TENM4: variants seen among roughly 807,000 people sequenced by gnomAD.
TENM4 encodes teneurin transmembrane protein 4.
TENM4 carries 82 observed loss-of-function variants against 243.3 expected under a neutral mutation model. The ratio of observed to expected loss-of-function variants is 0.34; its 90% confidence interval spans 0.28 to 0.40. The LOEUF (loss-of-function observed/expected upper bound fraction) is 0.40. Ranked by LOEUF, TENM4 falls within the 10% of genes least tolerant of loss-of-function variation. TENM4 has a pLI of 1.00. For missense variants in TENM4, 3,138 were observed against 3,673.3 expected (o/e 0.85, Z 3.77); for synonymous variants, 1,412 against 1,456.3 (o/e 0.97, Z 0.69).
At chr11:78,849,401 A>G (rs990690212) in intron 12 of TENM4, among the ~76,000 whole-genome samples, 1 of 152,220 alleles carries the variant, frequency 6.6e-6, no homozygotes, top group Non-Finnish European at 1.5e-5. Context: ...AAATAGTGAG[A>G]GACTGTGGTA....
intron 1 of TENM4, among the ~76,000 whole-genome samples, chr11:79,404,529 G>T (rs1449026723): frequency 6.6e-6 from 1 of 152,206 alleles, no homozygotes; most frequent in Non-Finnish European, 1.5e-5. Flanking sequence ...CCTACATAGA[G>T]GCGATGGTTG....
chr11:78,915,447 G>A (rs1470932560), intron 6 of TENM4, among the ~76,000 whole-genome samples: 1 of 152,108 alleles, frequency 6.6e-6, no homozygotes, highest in African/African-American at 2.4e-5. Context: ...GTACCAGGTA[G>A]GTTCCCATCT....
intron 1 of TENM4, among the ~76,000 whole-genome samples, chr11:79,387,523 T>C (rs769435060): frequency 8.5e-5 from 13 of 152,200 alleles, no homozygotes; most frequent in Non-Finnish European, 1.8e-4. Flanking sequence ...TAATACCACA[T>C]ATATTGCAAG....
At chr11:79,235,805 C>T (rs1864454929) in intron 2 of TENM4, among the ~76,000 whole-genome samples, 2 of 152,162 alleles carry the variant, frequency 1.3e-5, no homozygotes, top group African/African-American at 4.8e-5. Context: ...CTCCCTTCTC[C>T]AGGCCCCCTT....
At chr11:79,138,428 TATA>T (rs1355830210) in intron 4 of TENM4, among the ~76,000 whole-genome samples, 2 of 116,804 alleles carry the variant, frequency 1.7e-5, no homozygotes, top group East Asian at 2.2e-4. Context: ...TTATATTATA[TATA>T]AATATATATT....
rs148351730 is a variant in TENM4, at chr11:79,108,765, C to T, written c.-65-38756G>A. On this transcript the variant is annotated intron_variant, in intron 4 of 33. Transcript: ENST00000278550. Reference sequence around the variant, plus strand: ...CCTCCTCCCTCCATGGCTCACAGGCCAGCAATAGTAGTGGCCACTGGACCT... The same window carrying T: ...CCTCCTCCCTCCATGGCTCACAGGCTAGCAATAGTAGTGGCCACTGGACCT... 8.1e-4 allele frequency among the ~76,000 whole-genome samples: 123 copies of T among 152,228 alleles called. 1 individual carries two copies. Among genetic ancestry groups the T allele is most frequent in the African/African-American group, 2.7e-3 (112 of 41,540 alleles).
At chr11:78,905,802 G>T (rs1340779634) in intron 6 of TENM4, among the ~76,000 whole-genome samples, 1 of 152,254 alleles carries the variant, frequency 6.6e-6, no homozygotes, top group African/African-American at 2.4e-5. Flanking sequence ...TGTCCAGGCA[G>T]AGTGGTGTCC....
intron 6 of TENM4, among the ~76,000 whole-genome samples, chr11:79,031,698 G>C (rs1485446074): frequency 6.6e-6 from 1 of 152,224 alleles, no homozygotes; most frequent in Middle Eastern, 3.2e-3. Flanking sequence ...GGCGGGCACA[G>C]AGGCTTAAAG....
intron 1 of TENM4, among the ~76,000 whole-genome samples, chr11:79,322,103 C>G (rs1030928858): frequency 6.6e-6 from 1 of 152,198 alleles, no homozygotes; most frequent in Non-Finnish European, 1.5e-5. Context: ...GCTACATCCC[C>G]TCTTGTGACT....
At chr11:78,820,255 C>T (rs936402684) in intron 12 of TENM4, among the ~76,000 whole-genome samples, 3 of 152,212 alleles carry the variant, frequency 2.0e-5, no homozygotes, top group African/African-American at 7.2e-5. Context: ...GACATAGGTA[C>T]TTATGTCACC....
chr11:79,082,592 T>A (rs1412620129), intron 4 of TENM4, among the ~76,000 whole-genome samples: 1 of 152,182 alleles, frequency 6.6e-6, no homozygotes, highest in Non-Finnish European at 1.5e-5. Context: ...TGCACCCATG[T>A]GTGCACACAC....
At chr11:79,301,330 T>C (rs1856546225) in intron 1 of TENM4, among the ~76,000 whole-genome samples, 1 of 152,170 alleles carries the variant, frequency 6.6e-6, no homozygotes, top group Non-Finnish European at 1.5e-5. Flanking sequence ...GTCTCTGTAA[T>C]TGAGCCACAC....
At chr11:78,914,021 A>G (rs1421277471) in intron 6 of TENM4, among the ~76,000 whole-genome samples, 1 of 152,228 alleles carries the variant, frequency 6.6e-6, no homozygotes, top group Non-Finnish European at 1.5e-5. Context: ...TAAACGCCTT[A>G]TAATGTCCAA....
intron 1 of TENM4, among the ~76,000 whole-genome samples, chr11:79,362,172 A>G (rs1463296127): frequency 6.6e-6 from 1 of 152,270 alleles, no homozygotes; most frequent in Non-Finnish European, 1.5e-5. Context: ...TACAATCAGT[A>G]GAACCTGGTC....
intron 6 of TENM4, among the ~76,000 whole-genome samples, chr11:79,045,307 T>C (rs138970890): frequency 1.4e-4 from 21 of 152,054 alleles, no homozygotes; most frequent in East Asian, 1.4e-3. Context: ...ATGAAGGAGG[T>C]TGTGTTCCAG....
At chr11:79,188,286 A>G (rs945137111) in intron 3 of TENM4, among the ~76,000 whole-genome samples, 1 of 152,240 alleles carries the variant, frequency 6.6e-6, no homozygotes, top group African/African-American at 2.4e-5. Context: ...ATCCAAGTCT[A>G]GAAATCTGAG....
chr11:79,153,438 G>T (rs1336376716), intron 3 of TENM4, among the ~76,000 whole-genome samples: 1 of 152,062 alleles, frequency 6.6e-6, no homozygotes, highest in Non-Finnish European at 1.5e-5. Flanking sequence ...ATGTTTCCTT[G>T]CACGGTGTCT....
intron 12 of TENM4, among the ~76,000 whole-genome samples, chr11:78,836,365 A>G (rs1858115444): frequency 6.6e-6 from 1 of 152,216 alleles, no homozygotes; most frequent in South Asian, 2.1e-4. Flanking sequence ...AGTAAACAAA[A>G]AAACAAGAAA....
At chr11:78,934,681 C>T (rs1043996295) in intron 6 of TENM4, among the ~76,000 whole-genome samples, 3 of 152,162 alleles carry the variant, frequency 2.0e-5, no homozygotes, top group East Asian at 3.9e-4. Context: ...TCAGCCATTA[C>T]CTAGAGCAAG....
Sources: allele counts gnomAD v4.1 joint callset (sites outside exome capture counted in the v4.1 genomes callset), GRCh38; gene constraint gnomAD v4.1.1; transcripts MANE v1.5; gene names NCBI Gene and HGNC (gene_info 2026-07-23, HGNC 2026-07-21).